STIM2: variants seen among roughly 807,000 people sequenced by gnomAD.
STIM2 encodes the protein stromal interaction molecule 2.
A neutral mutation model predicts 85.8 loss-of-function variants in STIM2; 31 were observed. The observed-to-expected ratio is 0.36, with a 90% CI of 0.27 to 0.49. The LOEUF (loss-of-function observed/expected upper bound fraction) is 0.49. STIM2 is among the 20% of genes least tolerant of loss of function. The probability of loss-of-function intolerance (pLI) is 0.98; values close to 1 mark genes in which losing one functional copy is unlikely to be tolerated. For missense variants in STIM2, 841 were observed against 927.6 expected, an observed-to-expected ratio of 0.91 and a Z score of 1.21; for synonymous variants, 356 against 331.1, an observed-to-expected ratio of 1.08 and a Z score of -0.82.
At chr4:26,984,294 A>G (rs1727502351) in intron 3 of STIM2, among the ~76,000 whole-genome samples, 1 of 152,358 alleles carries the variant, frequency 6.6e-6, no homozygotes, top group South Asian at 2.1e-4. Context: ...TGTTGGGAAT[A>G]TAGAATGAAT....
chr4:26,915,724 C>T (rs971919801), intron 1 of STIM2, among the ~76,000 whole-genome samples: 6 of 152,184 alleles, frequency 3.9e-5, no homozygotes, highest in African/African-American at 1.4e-4. Context: ...CAAAGTGCTG[C>T]TGTTAATCCA....
chr4:26,955,661 A>G (rs1008209502), intron 2 of STIM2, among the ~76,000 whole-genome samples: 1 of 148,454 alleles, frequency 6.7e-6, no homozygotes, highest in African/African-American at 2.6e-5. Flanking sequence ...GGCACTATTT[A>G]GAGCAGACAA....
chr4:27,003,575 A>G (rs1728231567), intron 7 of STIM2, among the ~76,000 whole-genome samples: 1 of 152,180 alleles, frequency 6.6e-6, no homozygotes, highest in Non-Finnish European at 1.5e-5. Context: ...TACTTAAGAT[A>G]GAATATAGGC....
At chr4:26,905,689 A>C (rs1183453107) in intron 1 of STIM2, among the ~76,000 whole-genome samples, 1 of 152,234 alleles carries the variant, frequency 6.6e-6, no homozygotes, top group African/African-American at 2.4e-5. Context: ...TAAATCGGCT[A>C]AATCCATGGC....
At chr4:26,876,777 C>G (rs1722830165) in intron 1 of STIM2, among the ~76,000 whole-genome samples, 2 of 151,726 alleles carry the variant, frequency 1.3e-5, no homozygotes, top group South Asian at 4.2e-4. Flanking sequence ...CTTTACAGTT[C>G]AGGTTTTTTC....
intron 2 of STIM2, among the ~76,000 whole-genome samples, chr4:26,930,508 A>G (rs1389600890): frequency 6.6e-6 from 1 of 152,024 alleles, no homozygotes. Context: ...ATATACATAT[A>G]TAAAACAAAA....
At chr4:26,911,349 A>G (rs1724333169) in intron 1 of STIM2, among the ~76,000 whole-genome samples, 1 of 152,354 alleles carries the variant, frequency 6.6e-6, no homozygotes, top group East Asian at 1.9e-4. Flanking sequence ...TTAGCTAACA[A>G]TCAGGGAAAC....
intron 1 of STIM2, among the ~76,000 whole-genome samples, chr4:26,862,687 C>T (rs1722264123): frequency 6.6e-6 from 1 of 152,156 alleles, no homozygotes; most frequent in African/African-American, 2.4e-5. Flanking sequence ...ATACATCAAA[C>T]CTACCAATTG....
chr4:26,878,583 A>T (rs1722894044), intron 1 of STIM2, among the ~76,000 whole-genome samples: 1 of 151,940 alleles, frequency 6.6e-6, no homozygotes, highest in African/African-American at 2.4e-5. Flanking sequence ...TTTTTGGTAT[A>T]TCTCTTTTTC....
intron 2 of STIM2, among the ~76,000 whole-genome samples, chr4:26,935,527 T>C (rs1002183364): frequency 3.3e-5 from 5 of 152,174 alleles, no homozygotes; most frequent in Non-Finnish European, 5.9e-5. Flanking sequence ...AGTAAATAAA[T>C]TGATGCTCCC....
At chr4:26,904,193 T>A (rs1207078504) in intron 1 of STIM2, among the ~76,000 whole-genome samples, 2 of 150,434 alleles carry the variant, frequency 1.3e-5, no homozygotes, top group Non-Finnish European at 3.0e-5. Context: ...CTGAGCAATC[T>A]TGGAGACTAG....
intron 3 of STIM2, among the ~76,000 whole-genome samples, chr4:26,980,744 GCAAA>G (rs1357604090): frequency 6.6e-6 from 1 of 152,116 alleles, no homozygotes; most frequent in Non-Finnish European, 1.5e-5. Context: ...ATTTCCAAAT[GCAAA>G]CAGAGTCAAG....
intron 1 of STIM2, chr4:26,873,640 T>A: frequency 1.6e-6 from 1 of 613,154 alleles, no homozygotes; most frequent in Non-Finnish European, 3.0e-6. Flanking sequence ...ACTTCCTTAG[T>A]CATAAATGAG....
At chr4:26,981,590 A>G (rs764984408) in intron 3 of STIM2, among the ~76,000 whole-genome samples, 1 of 152,262 alleles carries the variant, frequency 6.6e-6, no homozygotes, top group South Asian at 2.1e-4. Context: ...TGCCCTAATA[A>G]TGGCCTTTTA....
At chr4:26,892,177 T>C (rs957299793) in intron 1 of STIM2, among the ~76,000 whole-genome samples, 5 of 152,228 alleles carry the variant, frequency 3.3e-5, no homozygotes, top group African/African-American at 1.2e-4. Context: ...TGCCCAGTCT[T>C]GGGTATATCT....
In STIM2 at chr4:27,024,935, C is replaced by T. The variant is rs1729034533; in HGVS notation, c.*1939C>T. ...ATAGAGAAGGGAAAAGTTGCTGGAG[C>T]ACGGAGTGAAGATGGGAGGAGCTGT... On this transcript the variant is annotated 3_prime_UTR_variant, in exon 12 of 12. Transcript: ENST00000467087. The T allele has an allele frequency of 6.6e-6, 1 of 152,184 alleles. No homozygotes were observed. Among genetic ancestry groups the T allele is most frequent in the Non-Finnish European group, 1.5e-5 (1 of 68,062 alleles). 9.4% of individuals were successfully genotyped at this position (152,184 alleles called of 1,614,324 possible).
Position 27,023,018 on chromosome 4 carries a change from A to G in STIM2, c.*22A>G, listed in dbSNP as rs376040962. 27 of 1,596,624 alleles carry G rather than the reference A, an allele frequency of 1.7e-5. No homozygotes were observed. The highest frequency in any genetic ancestry group is 2.2e-5 in the Non-Finnish European group (26 of 1,173,942). On this transcript the variant is annotated 3_prime_UTR_variant, in exon 12 of 12. Transcript: ENST00000467087. ...GTGAACTGGCTGACTTGATGGAATC[A>G]TGTTCAAGTGGCATCTGTAAACTAT...
At position 27,003,022 on chromosome 4, in the gene STIM2, A is replaced by G; in HGVS notation, c.899A>G (p.Glu300Gly). ...GATGAAATCAATTATGCAAAGGAGG[A>G]GGCTTGTCGGCTGAGAGAGCTAAGG... The change falls in exon 7 of 12, where the codon GAG becomes GGG. Residue 300 changes from glutamate to glycine, a missense_variant. Glu to Gly is a moderately conservative substitution (Grantham distance 98). This residue lies in a region of STIM2 where 408 missense variants were observed against 525.4 expected (regional missense o/e 0.78). Coordinates refer to ENST00000467087, the MANE Select transcript of STIM2 (RefSeq NM_020860.4). The G allele has an allele frequency of 6.2e-7, 1 of 1,604,556 alleles. No individual in the cohort carries two copies. The highest frequency in any genetic ancestry group is 8.5e-7 in the Non-Finnish European group (1 of 1,176,686).
intron 2 of STIM2, among the ~76,000 whole-genome samples, chr4:26,955,783 CATATGCTCGGCCCA>C (rs1282993745): frequency 2.4e-5 from 3 of 125,522 alleles, no homozygotes; most frequent in African/African-American, 7.1e-5. Context: ...GCATATTTAT[CATATGCTCGGCCCA>C]GTTGCTGTGG....
Sources: gnomAD v4.1 joint callset for allele counts (sites outside exome capture counted in the v4.1 genomes callset) on GRCh38, gnomAD v4.1.1 for gene constraint, gnomAD v4.1.1 regional missense constraint, MANE v1.5 for transcripts, NCBI Gene and HGNC (gene_info 2026-07-23, HGNC 2026-07-21) for gene names.